Variants in BCL11A observed in about 807,000 individuals in gnomAD.
BCL11A encodes BCL11 transcription factor A, also known as B cell CLL/lymphoma 11A.
In BCL11A, 2 loss-of-function variants were observed where a neutral mutation model predicts 55.9. The observed-to-expected ratio is 0.04, with a 90% CI of 0.01 to 0.11. The LOEUF is 0.11. Ranked by LOEUF, BCL11A falls within the 10% of genes least tolerant of loss-of-function variation. The pLI, the probability that BCL11A is intolerant of heterozygous loss-of-function variation, is 1.00. For synonymous variants in BCL11A, 465 were observed against 473.4 expected (o/e 0.98, Z 0.23); for missense variants, 817 against 1,137.1 (o/e 0.72, Z 4.05).
intron 2 of BCL11A, among the ~76,000 whole-genome samples, chr2:60,524,038 G>A (rs1444474955): frequency 1.3e-5 from 2 of 152,220 alleles, no homozygotes; most frequent in Non-Finnish European, 2.9e-5. Context: ...TTGTTTGAGA[G>A]ACTCCGGACC....
chr2:60,470,025 C>G (rs1020809334), intron 2 of BCL11A, among the ~76,000 whole-genome samples: 3 of 152,166 alleles, frequency 2.0e-5, no homozygotes, highest in Non-Finnish European at 4.4e-5. Flanking sequence ...TAAAATACAT[C>G]CTGTTCTCCT....
At chr2:60,491,319 T>C (rs1359268927) in intron 2 of BCL11A, among the ~76,000 whole-genome samples, 1 of 152,222 alleles carries the variant, frequency 6.6e-6, no homozygotes, top group African/African-American at 2.4e-5. Flanking sequence ...GCAGCAAACA[T>C]GGACACTTTT....
chr2:60,481,315 A>G (rs1205042568), intron 2 of BCL11A, among the ~76,000 whole-genome samples: 1 of 152,094 alleles, frequency 6.6e-6, no homozygotes, highest in African/African-American at 2.4e-5. Context: ...TAACTCCTTG[A>G]AAACAAAAAT....
In BCL11A at chr2:60,460,724, G is replaced by T. The variant is rs775970880; in HGVS notation, c.2188C>A (p.Pro730Thr). ...GSTPHISGPG[P>T]GRPSSKEGRR... ...CCCTCTTTTGAGCTGGGCCTGCCCGGGCCCGGACCACTAATATGGGGCGTG... is the reference window on the plus strand; with the variant it reads ...CCCTCTTTTGAGCTGGGCCTGCCCGTGCCCGGACCACTAATATGGGGCGTG... Residue 730 changes from proline (P) to threonine (T), a missense_variant, in exon 4 of 4, where the codon CCG (proline) becomes ACG (threonine). By Grantham distance (38) the Pro-to-Thr change is conservative. Coordinates refer to ENST00000642384, the MANE Select transcript of BCL11A (RefSeq NM_022893.4). 1.9e-6 allele frequency: 3 copies of T among 1,614,132 alleles called. No individual in the cohort carries two copies. The South Asian group carries it at 3.3e-5, about 18-fold the overall frequency.
At position 60,462,236 on chromosome 2, in the gene BCL11A, G is replaced by C. The variant is rs1403416912; in HGVS notation, c.676C>G (p.Pro226Ala). 6.2e-7 allele frequency: 1 copy of C among 1,613,776 alleles called. No homozygotes were observed. Residue 226 changes from proline to alanine, a missense_variant, in exon 4 of 4, where the codon CCT (proline) becomes GCT (alanine). Around this residue, in one of 4 missense-constraint regions of BCL11A, gnomAD observed 363 missense variants for 486.6 expected, o/e 0.75. Coordinates refer to ENST00000642384, the MANE Select transcript of BCL11A (RefSeq NM_022893.4). Reference protein sequence around the residue: ...GLGAECPSQPPLHGIHIADNN... With the variant: ...GLGAECPSQPALHGIHIADNN... The stretch of plus-strand genomic sequence containing the variant: ...TCTGCAATATGAATCCCATGGAGAG[G>C]TGGCTGGGAAGGACATTCTGCACCT...
chr2:60,508,091 A>G (rs1679747203), intron 2 of BCL11A, among the ~76,000 whole-genome samples: 2 of 152,192 alleles, frequency 1.3e-5, no homozygotes, highest in African/African-American at 4.8e-5. Flanking sequence ...CTCTCATGTC[A>G]TGGTGCTTAC....
chr2:60,495,005 T>C (rs1678862834), intron 2 of BCL11A, among the ~76,000 whole-genome samples: 1 of 152,248 alleles, frequency 6.6e-6, no homozygotes, highest in African/African-American at 2.4e-5. Flanking sequence ...GCCCGACAGA[T>C]GAAAAATGGA....
intron 2 of BCL11A, among the ~76,000 whole-genome samples, chr2:60,471,885 G>A (rs1242990847): frequency 6.6e-6 from 1 of 152,174 alleles, no homozygotes; most frequent in African/African-American, 2.4e-5. Flanking sequence ...TTGAGGGTGG[G>A]GAAGCAGCCT....
Position 60,458,400 on chromosome 2 carries a change from C to G in BCL11A, c.*2004G>C, listed in dbSNP as rs1203211274. On this transcript the variant is annotated 3_prime_UTR_variant, in exon 4 of 4. Transcript: ENST00000642384. Reference sequence around the variant, plus strand: ...ATGGAACCCTAAAATGCAGTTCCCCCCTAAACATAATGAAGTGTTTTTTAA... The same window carrying G: ...ATGGAACCCTAAAATGCAGTTCCCCGCTAAACATAATGAAGTGTTTTTTAA... 5.0e-5 allele frequency: 51 copies of G among 1,021,654 alleles called. No individual in the cohort carries two copies. Among genetic ancestry groups the G allele is most frequent in the Non-Finnish European group, 4.8e-5 (41 of 851,006 alleles). 63.3% of individuals were successfully genotyped at this position (1,021,654 alleles called of 1,614,324 possible). A position where few individuals can be genotyped will look rare whatever the true frequency, so the allele number is the denominator to read the frequency against.
intron 2 of BCL11A, among the ~76,000 whole-genome samples, chr2:60,516,545 G>A (rs144200657): frequency 1.3e-5 from 2 of 152,354 alleles, no homozygotes; most frequent in East Asian, 3.9e-4. Flanking sequence ...GTAACTCACC[G>A]TCATCCGGGG....
chr2:60,535,191 T>C (rs1669615035), intron 2 of BCL11A: 1 of 152,242 alleles, frequency 6.6e-6, no homozygotes, highest in Non-Finnish European at 1.5e-5. Flanking sequence ...CCTTTGAAGA[T>C]TAAAGAAGTG....
At chr2:60,483,865 T>G (rs1678107461) in intron 2 of BCL11A, 1 of 147,216 alleles carries the variant, frequency 6.8e-6, no homozygotes, top group African/African-American at 2.6e-5. Flanking sequence ...TCCCTTTTTT[T>G]CTTTCCTTCT....
intron 2 of BCL11A, among the ~76,000 whole-genome samples, chr2:60,478,558 C>T (rs1427929829): frequency 6.6e-6 from 1 of 152,216 alleles, no homozygotes; most frequent in Non-Finnish European, 1.5e-5. Context: ...ATTCTGAGAA[C>T]CAGAACTGGC....
chr2:60,549,525 G>A (rs554088514), intron 1 of BCL11A, among the ~76,000 whole-genome samples: 1 of 152,360 alleles, frequency 6.6e-6, no homozygotes, highest in East Asian at 1.9e-4. Context: ...GTGAAGTTGG[G>A]CGCGGGGACT....
At chr2:60,553,133 C>T in intron 1 of BCL11A, 83 bp downstream of exon 1, 4 of 1,416,996 alleles carry the variant, frequency 2.8e-6, no homozygotes, top group East Asian at 2.5e-5. Context: ...GCACACACCC[C>T]TCTCTCCCCC....
intron 2 of BCL11A, among the ~76,000 whole-genome samples, chr2:60,520,070 G>C (rs1413303602): frequency 6.6e-6 from 1 of 152,162 alleles, no homozygotes; most frequent in African/African-American, 2.4e-5. Context: ...ACAAATGTGT[G>C]TATGATATAG....
At chr2:60,537,804 G>T (rs1049100920) in intron 2 of BCL11A, 1 of 152,202 alleles carries the variant, frequency 6.6e-6, no homozygotes, top group Non-Finnish European at 1.5e-5. Flanking sequence ...AAATAGAAAG[G>T]CGAGGTAGGT....
At chr2:60,521,490 T>C (rs935984593) in intron 2 of BCL11A, among the ~76,000 whole-genome samples, 5 of 152,178 alleles carry the variant, frequency 3.3e-5, no homozygotes, top group Non-Finnish European at 7.3e-5. Context: ...AGCCCACCAG[T>C]GACCTAGCTT....
In BCL11A at chr2:60,460,652, A is replaced by T; in HGVS notation, c.2260T>A (p.Cys754Ser). The change falls in exon 4 of 4, where the codon TGT becomes AGT. Residue 754 changes from cysteine (C) to serine (S), a missense_variant. Coordinates refer to ENST00000642384, the MANE Select transcript of BCL11A (RefSeq NM_022893.4). ...CTCCTGTGGACAGTGAGATTGCTAC[A>T]GTTCTTGAAGACTTTCCCACAGTAC... is the stretch of plus-strand genomic sequence containing the variant. ...CEYCGKVFKN[C>S]SNLTVHRRSH... The T allele has an allele frequency of 6.2e-7, 1 of 1,614,120 alleles. No homozygotes were observed. The highest frequency in any genetic ancestry group is 8.5e-7 in the Non-Finnish European group (1 of 1,180,042).
Sources: gnomAD v4.1 joint callset for allele counts (sites outside exome capture counted in the v4.1 genomes callset) on GRCh38, gnomAD v4.1.1 for gene constraint, gnomAD v4.1.1 regional missense constraint, MANE v1.5 for transcripts, NCBI Gene and HGNC (gene_info 2026-07-23, HGNC 2026-07-21) for gene names.